KYAT1: variants seen among roughly 807,000 people sequenced by gnomAD.
KYAT1 encodes kynurenine aminotransferase 1.
A neutral mutation model predicts 52.4 loss-of-function variants in KYAT1; 47 were observed. The observed-to-expected ratio is 0.90, with a 90% confidence interval of 0.71 to 1.14. The LOEUF (loss-of-function observed/expected upper bound fraction) is 1.14, where lower values mean the gene tolerates loss of function less well. Among genes scored for constraint, KYAT1 ranks in the 50% most tolerant of loss-of-function variants. The pLI, the probability that KYAT1 is intolerant of heterozygous loss-of-function variation, is 0.00. For synonymous variants in KYAT1, 212 were observed against 209.6 expected, an observed-to-expected ratio of 1.01 and a Z score of -0.10; for missense variants, 480 against 557.9, an observed-to-expected ratio of 0.86 and a Z score of 1.41.
chr9:128,879,223 T>G (rs896422881), intron 1 of KYAT1, among the ~76,000 whole-genome samples: 3 of 151,142 alleles, frequency 2.0e-5, no homozygotes, highest in African/African-American at 7.3e-5. Flanking sequence ...GGCAGGAGAA[T>G]GGAGTGAACC....
At chr9:128,834,142 C>T (rs537762119) in intron 11 of KYAT1, among the ~76,000 whole-genome samples, 2 of 152,332 alleles carry the variant, frequency 1.3e-5, no homozygotes, top group South Asian at 4.1e-4. Context: ...CCTGTAATCC[C>T]AGCTACTTGG....
chr9:128,833,606 C>G lies in KYAT1; in HGVS notation c.1247G>C (p.Arg416Pro). The stretch of plus-strand genomic sequence containing the variant: ...GGGCTAGAGTTCCACCTTCCACTTC[C>G]GCAGCTTCTCGTCCATGGCCTGGAG... ...ATLQAMDEKL[R>P]KWKVEL The change falls in exon 13 of 13, where the codon CGG (arginine) becomes CCG (proline). Residue 416 changes from arginine (R) to proline (P), a missense_variant. Coordinates refer to ENST00000302586, the MANE Select transcript of KYAT1 (RefSeq NM_004059.5). 1 of 1,614,214 alleles carries G rather than the reference C, an allele frequency of 6.2e-7. No individual in the cohort carries two copies. Among genetic ancestry groups the G allele is most frequent in the Non-Finnish European group, 8.5e-7 (1 of 1,180,042 alleles).
intron 1 of KYAT1, chr9:128,846,749 C>T (rs1223958639): frequency 6.5e-7 from 1 of 1,535,460 alleles, no homozygotes; most frequent in African/African-American, 1.4e-5. Flanking sequence ...CAGCAGGGAC[C>T]TCACATGGGC....
chr9:128,847,637 C>A, intron 1 of KYAT1: 1 of 611,604 alleles, frequency 1.6e-6, no homozygotes, highest in Admixed American at 2.8e-5. Flanking sequence ...GTCCCCCACA[C>A]ACAGCTCTAA....
At chr9:128,869,313 C>T (rs933958188) in intron 1 of KYAT1, among the ~76,000 whole-genome samples, 3 of 151,988 alleles carry the variant, frequency 2.0e-5, no homozygotes, top group Admixed American at 1.3e-4. Flanking sequence ...AGGCGCGAGC[C>T]ACCACGCCCG....
intron 1 of KYAT1, among the ~76,000 whole-genome samples, chr9:128,878,748 A>G (rs1050606085): frequency 2.6e-5 from 4 of 152,162 alleles, no homozygotes; most frequent in Non-Finnish European, 5.9e-5. Context: ...GGAAGACCTG[A>G]GTGACACAAA....
intron 11 of KYAT1, chr9:128,835,063 G>C (rs1387381239): frequency 2.1e-6 from 1 of 465,902 alleles, no homozygotes; most frequent in Non-Finnish European, 3.9e-6. Context: ...CGTGAACCTG[G>C]GGGGCAGAGC....
In KYAT1 at chr9:128,879,827, C is replaced by T. The variant is rs901846998; in HGVS notation, c.-7+2070G>A. Reference sequence around the variant, plus strand: ...GCTTCCGCCCTCAAAGTACTCAGCACGGGGGCGCTCAACTCCAAGGACAGG... The same window carrying T: ...GCTTCCGCCCTCAAAGTACTCAGCATGGGGGCGCTCAACTCCAAGGACAGG... On this transcript the variant is annotated intron_variant, in intron 1 of 12. Transcript: ENST00000302586. Among the ~76,000 whole-genome samples, 8 of 152,336 alleles carry T rather than the reference C, an allele frequency of 5.3e-5. No homozygotes were observed. In the South Asian group the frequency reaches 1.0e-3, roughly 20 times the overall value.
chr9:128,873,477 CA>C (rs1297068135), intron 1 of KYAT1, among the ~76,000 whole-genome samples: 1 of 151,640 alleles, frequency 6.6e-6, no homozygotes, highest in African/African-American at 2.4e-5. Context: ...AATTTTATTG[CA>C]AATAGCTTGG....
chr9:128,843,257 A>T (rs1315926317), intron 2 of KYAT1, among the ~76,000 whole-genome samples: 1 of 152,170 alleles, frequency 6.6e-6, no homozygotes, highest in Non-Finnish European at 1.5e-5. Flanking sequence ...TGGCCTGAAG[A>T]TCTGCCTAAG....
intron 1 of KYAT1, among the ~76,000 whole-genome samples, chr9:128,848,318 C>CAAAAAA (rs56157823): frequency 7.2e-4 from 53 of 73,452 alleles, no homozygotes; most frequent in South Asian, 1.3e-3. Context: ...AGATATGTCT[C>CAAAAAA]AAAAAAAAAA....
At chr9:128,876,312 C>T (rs1838017293) in intron 1 of KYAT1, among the ~76,000 whole-genome samples, 1 of 151,474 alleles carries the variant, frequency 6.6e-6, no homozygotes, top group South Asian at 2.1e-4. Flanking sequence ...GTCTTGAACT[C>T]CTGGGCTCAA....
intron 1 of KYAT1, among the ~76,000 whole-genome samples, chr9:128,875,735 G>A (rs1010908131): frequency 1.3e-5 from 2 of 152,194 alleles, no homozygotes; most frequent in African/African-American, 4.8e-5. Context: ...GCTGTGCCGA[G>A]GACCCTTCTG....
chr9:128,839,824 G>C (rs1197736505), intron 3 of KYAT1, among the ~76,000 whole-genome samples: 2 of 152,158 alleles, frequency 1.3e-5, no homozygotes, highest in East Asian at 3.8e-4. Context: ...GTATGAGGCG[G>C]GAGGGTTGCT....
chr9:128,840,676 T>C (rs1399300923), intron 3 of KYAT1: 2 of 438,620 alleles, frequency 4.6e-6, no homozygotes, highest in East Asian at 7.1e-5. Context: ...GACCAGCCTA[T>C]TGGCAGGGAT....
intron 1 of KYAT1, among the ~76,000 whole-genome samples, chr9:128,854,333 T>C (rs1182426554): frequency 1.3e-5 from 2 of 152,162 alleles, no homozygotes; most frequent in Admixed American, 6.6e-5. Context: ...CAGAACAACA[T>C]TTTACTGGTA....
intron 11 of KYAT1, 142 bp downstream of exon 11, chr9:128,835,181 T>A: frequency 1.4e-6 from 1 of 728,570 alleles, no homozygotes; most frequent in Non-Finnish European, 2.4e-6. Context: ...CTCCTCATTC[T>A]CTGAAGTGGA....
intron 1 of KYAT1, among the ~76,000 whole-genome samples, chr9:128,879,807 C>T (rs1007675521): frequency 6.6e-6 from 1 of 152,208 alleles, no homozygotes; most frequent in Non-Finnish European, 1.5e-5. Context: ...CCTGGGCTTC[C>T]GCCCTCAAAG....
chr9:128,856,709 G>GTCATCGCCA (rs756597030), intron 1 of KYAT1, among the ~76,000 whole-genome samples: 100 of 152,360 alleles, frequency 6.6e-4, no homozygotes, highest in Middle Eastern at 3.4e-3. Context: ...CTTGGTAAAA[G>GTCATCGCCA]TCATCGCCAT....
Sources: gnomAD v4.1 joint callset for allele counts (sites outside exome capture counted in the v4.1 genomes callset) on GRCh38, gnomAD v4.1.1 for gene constraint, MANE v1.5 for transcripts, NCBI Gene and HGNC (gene_info 2026-07-23, HGNC 2026-07-21) for gene names.